CDC25B: variants seen among roughly 807,000 people sequenced by gnomAD.
CDC25B encodes cell division cycle 25B.
Under a neutral mutation model 69.8 loss-of-function variants are expected in CDC25B, and 33 were observed. The observed-to-expected ratio is 0.47, with a 90% confidence interval of 0.36 to 0.63. The LOEUF (loss-of-function observed/expected upper bound fraction) is 0.63, where lower values mean the gene tolerates loss of function less well. CDC25B is among the 30% of genes least tolerant of loss of function. The pLI is 0.00. For synonymous variants in CDC25B, 341 were observed against 314.6 expected (o/e 1.08, Z -0.89); for missense variants, 727 against 809.1 (o/e 0.90, Z 1.23).
intron 10 of CDC25B, 45 bp downstream of exon 10, chr20:3,802,145 A>G: frequency 6.5e-7 from 1 of 1,536,034 alleles, no homozygotes. Flanking sequence ...GCACCTGGGC[A>G]GCCACCCCCT....
chr20:3,795,549 C>T (rs2089006695), upstream of CDC25B, among the ~76,000 whole-genome samples: 1 of 152,238 alleles, frequency 6.6e-6, no homozygotes, highest in East Asian at 1.9e-4. Context: ...CTGACACCCT[C>T]CTCGACCCCC....
intron 2 of CDC25B, among the ~76,000 whole-genome samples, 191 bp from the exon 3 acceptor site, chr20:3,798,218 AGCC>A (rs2089134719): frequency 6.6e-6 from 1 of 151,840 alleles, no homozygotes; most frequent in African/African-American, 2.4e-5. Flanking sequence ...CAGGGAGTGG[AGCC>A]CTGTACCGTC....
At chr20:3,799,148 C>CCTGTGCTGGGGA (rs1280186300) in intron 3 of CDC25B, among the ~76,000 whole-genome samples, 1 of 152,202 alleles carries the variant, frequency 6.6e-6, no homozygotes, top group African/African-American at 2.4e-5. Flanking sequence ...GCATCTCTGG[C>CCTGTGCTGGGGA]CTGTGCTGGG....
At chr20:3,788,728 T>C (rs572272676) in intron 1 of CDC25B, among the ~76,000 whole-genome samples, 1 of 152,292 alleles carries the variant, frequency 6.6e-6, no homozygotes, top group African/African-American at 2.4e-5. Flanking sequence ...CTTTCCTCTC[T>C]TTCATCCTTT....
intron 11 of CDC25B, 28 bp from the exon 12 acceptor site, chr20:3,802,881 CT>C: frequency 1.3e-6 from 2 of 1,590,512 alleles, no homozygotes; most frequent in Non-Finnish European, 1.7e-6. Context: ...ACTTTCTCCC[CT>C]CTCCCTCATC....
Position 3,790,947 on chromosome 20 carries a change from T to A in CDC25B, c.8+3808T>A, listed in dbSNP as rs547064706. Among the ~76,000 whole-genome samples, 18 of 151,804 alleles carry A rather than the reference T, an allele frequency of 1.2e-4. No individual in the cohort carries two copies. The South Asian group carries it at 3.3e-3, about 28-fold the overall frequency. On this transcript the variant is annotated intron_variant, in intron 1 of 15. Coordinates refer to the CDC25B transcript ENST00000344256. ...TCTCGAACTCCTGAGCTCAAGCGAGTCTTCCTCCTTAGCCTCCCAAAGTGC... is the reference window on the plus strand; with the variant it reads ...TCTCGAACTCCTGAGCTCAAGCGAGACTTCCTCCTTAGCCTCCCAAAGTGC...
At position 3,796,703 on chromosome 20, in the gene CDC25B, A is replaced by T. The variant is rs1038934474; in HGVS notation, c.172A>T (p.Thr58Ser). 1.9e-6 allele frequency: 3 copies of T among 1,563,722 alleles called. No individual in the cohort carries two copies. The highest frequency in any genetic ancestry group is 2.6e-6 in the Non-Finnish European group (3 of 1,163,890). ...CTCGCCGGTCACCACCCTCACCCAG[A>T]CCATGCACGACCTCGCCGGGCTCGG... ...ASSPVTTLTQ[T>S]MHDLAGLGSE... is the part of the protein sequence containing the mutation. The change falls in exon 1 of 16, where the codon ACC (threonine) becomes TCC (serine). Residue 58 changes from threonine (T) to serine (S), a missense_variant. By Grantham distance (58) the Thr-to-Ser change is moderately conservative. This residue lies in a region of CDC25B where 368 missense variants were observed against 345.6 expected (regional missense o/e 1.06). Coordinates refer to ENST00000245960, the MANE Select transcript of CDC25B (RefSeq NM_021873.4).
At position 3,805,604 on chromosome 20, in the gene CDC25B, A is replaced by G. The variant is rs1253118235; in HGVS notation, c.*643A>G. ...CTCAGGACACTTCCGTAGACTGTTT[A>G]GGTTCCCCTGTCAAATATCAGTTAC... On this transcript the variant is annotated 3_prime_UTR_variant, in exon 16 of 16. Coordinates refer to ENST00000245960, the MANE Select transcript of CDC25B (RefSeq NM_021873.4). 1 of 397,398 alleles carries G rather than the reference A, an allele frequency of 2.5e-6. No individual in the cohort carries two copies. Among genetic ancestry groups the G allele is most frequent in the East Asian group, 3.6e-5 (1 of 28,038 alleles). 24.6% of individuals were successfully genotyped at this position (397,398 alleles called of 1,614,324 possible).
rs780922314 is a variant in CDC25B, at chr20:3,801,775, C to G, written c.894C>G (p.Val298=). The change falls in exon 9 of 16, where the codon GTC becomes GTG. Residue 298 remains valine (V), a synonymous_variant. Transcript: ENST00000245960. ...GMESLISAPL[V]KTLEKEEEKD... ...AGAGTCTCATTAGTGCCCCACTGGT[C>G]AAGACCTTGGAAAAGGAAGAGGAAA... 6.2e-7 allele frequency: 1 copy of G among 1,606,946 alleles called. No homozygotes were observed. The highest frequency in any genetic ancestry group is 1.1e-5 in the South Asian group (1 of 90,248).
Position 3,802,971 on chromosome 20 carries a change from C to T in CDC25B, c.1256C>T (p.Thr419Met), listed in dbSNP as rs779594383. ...HQDLKYISPE[T>M]MVALLTGKFS... ...GACCTCAAGTACATCTCACCAGAAA[C>T]GGTAAACAGCGTTGCGTCATTTTCT... The change falls in exon 12 of 16, where the codon ACG (threonine) becomes ATG (methionine). Residue 419 changes from threonine to methionine, a missense_variant and splice_region_variant. Physicochemically the swap from Thr to Met is moderately conservative, Grantham distance 81. Around this residue, in one of 2 missense-constraint regions of CDC25B, gnomAD observed 359 missense variants for 463.4 expected, o/e 0.77. Coordinates refer to ENST00000245960, the MANE Select transcript of CDC25B (RefSeq NM_021873.4). 17 of 1,613,290 alleles carry T rather than the reference C, an allele frequency of 1.1e-5. No homozygotes were observed. Among genetic ancestry groups the T allele is most frequent in the Admixed American group, 8.3e-5 (5 of 60,002 alleles).
rs779001037 is a variant in CDC25B, at chr20:3,803,441, G to T, written c.1394G>T (p.Ser465Ile). ...VNLPLERDAE[S>I]FLLKSPIAPC... ...TTGCCCCTGGAACGCGACGCCGAGA[G>T]CTTCCTACTGAAGAGCCCCATCGCG... Residue 465 changes from serine to isoleucine, a missense_variant, in exon 14 of 16, where the codon AGC becomes ATC. Transcript: ENST00000245960. The surrounding 1 kb of genome is among the most constrained non-coding windows in gnomAD (Gnocchi z 4.9). 2 of 1,614,146 alleles carry T rather than the reference G, an allele frequency of 1.2e-6. No homozygotes were observed. The highest frequency in any genetic ancestry group is 1.7e-6 in the Non-Finnish European group (2 of 1,180,016).
At chr20:3,794,785 A>G (rs1166638218), upstream of CDC25B, among the ~76,000 whole-genome samples, 1 of 152,018 alleles carries the variant, frequency 6.6e-6, no homozygotes, top group Non-Finnish European at 1.5e-5. Context: ...TACCCTTCAG[A>G]TGCATTGGCC....
intron 14 of CDC25B, among the ~76,000 whole-genome samples, chr20:3,804,011 CAT>C (rs1194654901): frequency 3.9e-5 from 6 of 152,222 alleles, no homozygotes; most frequent in African/African-American, 1.4e-4. Flanking sequence ...GCCACTGGTC[CAT>C]ATGACTGCTA....
chr20:3,803,707 C>T lies in CDC25B; in HGVS notation c.1490+170C>T, dbSNP rs1203156938. 6.6e-6 allele frequency among the ~76,000 whole-genome samples: 1 copy of T among 152,172 alleles called. No individual in the cohort carries two copies. The highest frequency in any genetic ancestry group is 2.4e-5 in the African/African-American group (1 of 41,430). ...CCCACTTCACTGTGCATGGTACCCG[C>T]CTCCCATCTCCCTCACTGTCCTGCC... On this transcript the variant is annotated intron_variant, in intron 14 of 15. Transcript: ENST00000245960. The surrounding 1 kb of genome is among the most constrained non-coding windows in gnomAD (Gnocchi z 4.9).
At chr20:3,794,466 TG>T (rs999648548), upstream of CDC25B, among the ~76,000 whole-genome samples, 4 of 99,790 alleles carry the variant, frequency 4.0e-5, no homozygotes, top group East Asian at 3.3e-4. Flanking sequence ...GGGTGGGGGG[TG>T]GGGGGGATAC....
rs1162123106 is a variant in CDC25B at position 3,805,107 on chromosome 20, G to A, written c.*146G>A. On this transcript the variant is annotated 3_prime_UTR_variant, in exon 16 of 16. Coordinates refer to ENST00000245960, the MANE Select transcript of CDC25B (RefSeq NM_021873.4). ...GTGGGTGTCCTGCCTGTCTGCCCCA[G>A]CCCAGATTCCCCTGTGTCATCCCAT... 2.5e-6 allele frequency: 2 copies of A among 784,496 alleles called. No homozygotes were observed. The highest frequency in any genetic ancestry group is 4.0e-6 in the Non-Finnish European group (2 of 504,424). The allele number at this position is 784,496 out of a possible 1,614,324, so 48.6% of individuals were successfully genotyped here.
At position 3,801,947 on chromosome 20, in the gene CDC25B, C is replaced by G. The variant is rs200104998; in HGVS notation, c.945C>G (p.Cys315Trp). Residue 315 changes from cysteine to tryptophan, a missense_variant, in exon 10 of 16, where the codon TGC becomes TGG. Around this residue, in one of 2 missense-constraint regions of CDC25B, gnomAD observed 359 missense variants for 463.4 expected, o/e 0.77. Transcript: ENST00000245960. ...EEKDLVMYSK[C>W]QRLFRSPSMP... ...AGGACCTCGTCATGTACAGCAAGTG[C>G]CAGCGGCTCTTCCGCTCTCCGTCCA... is the stretch of plus-strand genomic sequence containing the variant. 245 of 1,612,380 alleles carry G rather than the reference C, an allele frequency of 1.5e-4. 3 individuals are homozygous for G. In the East Asian group the frequency reaches 4.1e-3, roughly 27 times the overall value.
intron 3 of CDC25B, among the ~76,000 whole-genome samples, 177 bp from the exon 4 acceptor site, chr20:3,800,111 C>T (rs1285855366): frequency 6.6e-6 from 1 of 152,160 alleles, no homozygotes; most frequent in Non-Finnish European, 1.5e-5. Context: ...TTATCTTCCC[C>T]CTCCCCAATA....
At chr20:3,795,598 C>A (rs1482437625), upstream of CDC25B, 24 of 457,232 alleles carry the variant, frequency 5.2e-5, no homozygotes, top group Non-Finnish European at 6.9e-5. Flanking sequence ...CGTTTAGAGC[C>A]TCTCCTGGGG....
Sources: allele counts gnomAD v4.1 joint callset (sites outside exome capture counted in the v4.1 genomes callset), GRCh38; gene constraint gnomAD v4.1.1; regional missense constraint gnomAD v4.1.1; non-coding constraint Gnocchi (gnomAD v3.1); transcripts MANE v1.5; gene names NCBI Gene and HGNC (gene_info 2026-07-23, HGNC 2026-07-21).